CNTRL: variants seen among roughly 807,000 people sequenced by gnomAD.
The protein encoded by CNTRL is centriolin, also known as 110 kDa centrosomal protein.
CNTRL carries 233 observed loss-of-function variants against 303.7 expected under a neutral mutation model. The ratio of observed to expected loss-of-function variants is 0.77; its 90% CI spans 0.69 to 0.86. CNTRL has a LOEUF of 0.86. CNTRL is among the 40% of genes least tolerant of loss of function. The pLI is 0.00. For synonymous variants in CNTRL, 900 were observed against 922.2 expected (o/e 0.98, Z 0.44); for missense variants, 2,524 against 2,650.6 (o/e 0.95, Z 1.05).
chr9:121,135,408 C>T (rs2051130500), intron 14 of CNTRL, among the ~76,000 whole-genome samples: 1 of 152,166 alleles, frequency 6.6e-6, no homozygotes, highest in African/African-American at 2.4e-5. Context: ...CGCAAGTTGC[C>T]TTATACAGTT....
intron 8 of CNTRL, among the ~76,000 whole-genome samples, chr9:121,109,508 A>G (rs1019985554): frequency 3.9e-5 from 6 of 152,108 alleles, no homozygotes; most frequent in African/African-American, 1.2e-4. Flanking sequence ...TAGTTAGCCT[A>G]TTCCTATTGA....
rs764434724 is a variant in CNTRL at position 121,140,622 on chromosome 9, A to G, written c.2338-19A>G. On this transcript the variant is annotated intron_variant, in intron 16 of 43. Coordinates refer to ENST00000373855, the MANE Select transcript of CNTRL (RefSeq NM_007018.6). ...TGCTGGCATGTAATAGATAATCCCTATTTCATCCCCCTCCATAGGATGACA... is the reference window on the plus strand; with the variant it reads ...TGCTGGCATGTAATAGATAATCCCTGTTTCATCCCCCTCCATAGGATGACA... 28 of 1,595,258 alleles carry G rather than the reference A, an allele frequency of 1.8e-5. No homozygotes were observed. The East Asian group carries it at 6.1e-4, about 35-fold the overall frequency.
At position 121,140,701 on chromosome 9, in the gene CNTRL, G is replaced by A. The variant is rs138792769; in HGVS notation, c.2398G>A (p.Val800Ile). The part of the protein sequence containing the change: ...KDFQNHLNHV[V>I]DGLVRPEEVA... ...TTTCCAGAATCACCTTAACCATGTG[G>A]TTGATGGTTTGGTTCGTCCAGAAGA... Residue 800 changes from valine (V) to isoleucine (I), a missense_variant, in exon 17 of 44, where the codon GTT becomes ATT. Coordinates refer to ENST00000373855, the MANE Select transcript of CNTRL (RefSeq NM_007018.6). 3,044 of 1,613,472 alleles carry A rather than the reference G, an allele frequency of 1.9e-3. 6 individuals are homozygous for A. Among genetic ancestry groups the A allele is most frequent in the Non-Finnish European group, 2.2e-3 (2,647 of 1,179,566 alleles).
At chr9:121,109,838 T>G (rs2049667099) in intron 8 of CNTRL, among the ~76,000 whole-genome samples, 1 of 152,144 alleles carries the variant, frequency 6.6e-6, no homozygotes, top group African/African-American at 2.4e-5. Context: ...TTTATAGTTG[T>G]TGGACAGTTG....
chr9:121,145,050 C>G lies in CNTRL; in HGVS notation c.3168+91C>G, dbSNP rs1159811128. On this transcript the variant is annotated intron_variant, in intron 21 of 43. Transcript: ENST00000373855. ...ACTGTAGGTGATGTCTCAAAGAATTCTGAAGTGCAATCAATAGTTAATAAG... is the reference window on the plus strand; with the variant it reads ...ACTGTAGGTGATGTCTCAAAGAATTGTGAAGTGCAATCAATAGTTAATAAG... 15 of 1,239,546 alleles carry G rather than the reference C, an allele frequency of 1.2e-5. No individual in the cohort carries two copies. The East Asian group carries it at 3.3e-4, about 27-fold the overall frequency. The allele number at this position is 1,239,546 out of a possible 1,614,324, so 76.8% of individuals were successfully genotyped here.
chr9:121,099,737 G>C (rs36100283), intron 7 of CNTRL, among the ~76,000 whole-genome samples: 1 of 152,120 alleles, frequency 6.6e-6, no homozygotes, highest in Non-Finnish European at 1.5e-5. Flanking sequence ...GCTGAAAACC[G>C]TGGCACGAGA....
At chr9:121,148,546 T>A in intron 23 of CNTRL, 126 bp from the exon 24 acceptor site, 1 of 796,144 alleles carries the variant, frequency 1.3e-6, no homozygotes, top group South Asian at 1.9e-5. Context: ...AAAATAAGGA[T>A]AATGAAAAGA....
At position 121,162,036 on chromosome 9, in the gene CNTRL, C is replaced by T. The variant is rs1318693753; in HGVS notation, c.5206-18C>T. On this transcript the variant is annotated intron_variant, in intron 33 of 43. Coordinates refer to ENST00000373855, the MANE Select transcript of CNTRL (RefSeq NM_007018.6). ...CTTTCTCATTTAAGATGTTTGAGTC[C>T]TCTTTTATCTGATTTAGGAGAAACT... 2 of 1,613,790 alleles carry T rather than the reference C, an allele frequency of 1.2e-6. No homozygotes were observed. The highest frequency in any genetic ancestry group is 4.5e-5 in the East Asian group (2 of 44,874).
At chr9:121,125,997 T>A in intron 14 of CNTRL, 61 bp downstream of exon 14, 1 of 1,372,642 alleles carries the variant, frequency 7.3e-7, no homozygotes, top group Non-Finnish European at 1.0e-6. Context: ...CCAAATTAAG[T>A]TAGTTGGAGG....
Position 121,143,960 on chromosome 9 carries a change from A to G in CNTRL, c.2929A>G (p.Lys977Glu). ...EQVFGLDKEL[K>E]KLKKAVATSD... is the part of the protein sequence containing the mutation. Reference sequence around the variant, plus strand: ...AGTTTTTGGTTTAGATAAAGAACTGAAGAAACTAAAGAAAGCCGTGGCCAC... The same window carrying G: ...AGTTTTTGGTTTAGATAAAGAACTGGAGAAACTAAAGAAAGCCGTGGCCAC... Residue 977 changes from lysine to glutamate, a missense_variant, in exon 20 of 44, where the codon AAG becomes GAG. Transcript: ENST00000373855. The G allele has an allele frequency of 6.2e-7, 1 of 1,613,532 alleles. No homozygotes were observed. The highest frequency in any genetic ancestry group is 8.5e-7 in the Non-Finnish European group (1 of 1,179,782).
At chr9:121,131,155 T>G (rs2050830674) in intron 14 of CNTRL, among the ~76,000 whole-genome samples, 1 of 152,240 alleles carries the variant, frequency 6.6e-6, no homozygotes, top group Admixed American at 6.5e-5. Context: ...GTCTGCTTGG[T>G]GCAGAGCTGA....
At chr9:121,124,280 G>A (rs1369699309) in intron 13 of CNTRL, among the ~76,000 whole-genome samples, 196 bp downstream of exon 13, 1 of 152,146 alleles carries the variant, frequency 6.6e-6, no homozygotes, top group Non-Finnish European at 1.5e-5. Context: ...TTGTTTTGTG[G>A]CATTGATGCC....
At chr9:121,139,483 T>G (rs924173176) in intron 16 of CNTRL, among the ~76,000 whole-genome samples, 2 of 152,204 alleles carry the variant, frequency 1.3e-5, no homozygotes. Flanking sequence ...GTTCTCTTCT[T>G]CTAACACTTC....
chr9:121,174,907 G>A, intron 42 of CNTRL, 111 bp from the exon 43 acceptor site: 1 of 902,906 alleles, frequency 1.1e-6, no homozygotes, highest in Non-Finnish European at 1.8e-6. Flanking sequence ...ATTTTTGACA[G>A]CCATTCCTAC....
At chr9:121,090,080 T>G (rs1182163366) in intron 3 of CNTRL, among the ~76,000 whole-genome samples, 195 bp from the exon 4 acceptor site, 1 of 149,070 alleles carries the variant, frequency 6.7e-6, no homozygotes, top group Non-Finnish European at 1.5e-5. Context: ...TTACAATCAT[T>G]ACATCATTAT....
At chr9:121,113,256 T>G (rs1405167833) in intron 9 of CNTRL, among the ~76,000 whole-genome samples, 1 of 152,144 alleles carries the variant, frequency 6.6e-6, no homozygotes, top group East Asian at 1.9e-4. Flanking sequence ...AATCAATCAG[T>G]CCAAACTTTC....
intron 7 of CNTRL, among the ~76,000 whole-genome samples, chr9:121,099,611 G>A (rs1230631120): frequency 1.3e-5 from 2 of 152,166 alleles, no homozygotes; most frequent in East Asian, 3.8e-4. Context: ...AAACTTCTCC[G>A]AGCTAAAGGA....
At chr9:121,161,161 C>T (rs891277057) in intron 32 of CNTRL, 26 of 387,286 alleles carry the variant, frequency 6.7e-5, no homozygotes, top group Admixed American at 2.8e-4. Context: ...CGTGCTCACG[C>T]GCACACACAT....
chr9:121,168,342 C>A, intron 38 of CNTRL, 21 bp downstream of exon 38: 6 of 1,600,558 alleles, frequency 3.7e-6, no homozygotes, highest in Non-Finnish European at 4.3e-6. Context: ...TGGAACTTCT[C>A]ACTGGGAGAT....
Sources: allele counts gnomAD v4.1 joint callset (sites outside exome capture counted in the v4.1 genomes callset), GRCh38; gene constraint gnomAD v4.1.1; transcripts MANE v1.5; gene names NCBI Gene and HGNC (gene_info 2026-07-23, HGNC 2026-07-21).